Variants in SHANK2 observed in about 807,000 individuals in gnomAD.
SHANK2 encodes SH3 and multiple ankyrin repeat domains protein 2.
Under a neutral mutation model 133.7 loss-of-function variants are expected in SHANK2, and 43 were observed. The observed-to-expected ratio is 0.32, with a 90% CI of 0.25 to 0.41. SHANK2 has a LOEUF of 0.41. SHANK2 is among the 10% of genes least tolerant of loss of function. The pLI is 1.00. For synonymous variants in SHANK2, 1,017 were observed against 952.8 expected (o/e 1.07, Z -1.24); for missense variants, 1,994 against 2,235.8 (o/e 0.89, Z 2.18).
chr11:70,636,334 T>C (rs984852563), intron 17 of SHANK2, among the ~76,000 whole-genome samples: 1 of 152,292 alleles, frequency 6.6e-6, no homozygotes, highest in East Asian at 1.9e-4. Context: ...TGTTAGCATG[T>C]GTGAATGCGT....
intron 3 of SHANK2, among the ~76,000 whole-genome samples, chr11:71,139,965 G>A (rs782583485): frequency 9.2e-5 from 14 of 152,180 alleles, no homozygotes; most frequent in Non-Finnish European, 1.6e-4. Flanking sequence ...AAAAGGGGCC[G>A]CCCAGGTGCT....
intron 14 of SHANK2, among the ~76,000 whole-genome samples, chr11:70,750,364 G>A (rs1264555797): frequency 2.0e-5 from 3 of 152,308 alleles, no homozygotes; most frequent in Admixed American, 6.5e-5. Flanking sequence ...CTGTGGTGGC[G>A]GAGGTTGGGC....
At chr11:70,926,004 T>C (rs985695485) in intron 10 of SHANK2, among the ~76,000 whole-genome samples, 10 of 152,204 alleles carry the variant, frequency 6.6e-5, no homozygotes, top group African/African-American at 2.4e-4. Flanking sequence ...CTGGGTGTGG[T>C]GGCTCCCATC....
intron 11 of SHANK2, among the ~76,000 whole-genome samples, chr11:70,866,811 T>C (rs1949366143): frequency 6.6e-6 from 1 of 151,658 alleles, no homozygotes; most frequent in Non-Finnish European, 1.5e-5. Context: ...TAAGGAAACA[T>C]TTCTTAAGGG....
At chr11:70,708,865 A>T (rs922131942) in intron 14 of SHANK2, among the ~76,000 whole-genome samples, 2 of 152,208 alleles carry the variant, frequency 1.3e-5, no homozygotes, top group Non-Finnish European at 2.9e-5. Context: ...GGGGATTGAA[A>T]GGCCTTCTGA....
At chr11:70,840,930 A>T (rs555719342) in intron 11 of SHANK2, among the ~76,000 whole-genome samples, 1 of 152,140 alleles carries the variant, frequency 6.6e-6, no homozygotes, top group South Asian at 2.1e-4. Flanking sequence ...CCTGAGAAAC[A>T]CTCTGGCTGG....
intron 11 of SHANK2, among the ~76,000 whole-genome samples, chr11:70,891,633 T>TC (rs1949847351): frequency 6.6e-6 from 1 of 152,072 alleles, no homozygotes; most frequent in Admixed American, 6.5e-5. Context: ...GCCTCCAAGG[T>TC]CTCATAGTTG....
At chr11:71,142,292 G>C (rs1952571182) in intron 3 of SHANK2, among the ~76,000 whole-genome samples, 2 of 152,310 alleles carry the variant, frequency 1.3e-5, no homozygotes, top group South Asian at 2.1e-4. Flanking sequence ...CCTGAGGTCA[G>C]GAGTTGGACA....
chr11:70,825,984 G>T (rs1948631435), intron 11 of SHANK2, among the ~76,000 whole-genome samples: 1 of 152,072 alleles, frequency 6.6e-6, no homozygotes, highest in African/African-American at 2.4e-5. Context: ...TTTTAAAGTT[G>T]GCCACGCTCC....
intron 2 of SHANK2, among the ~76,000 whole-genome samples, chr11:71,161,482 A>C (rs1311812233): frequency 6.6e-6 from 1 of 152,186 alleles, no homozygotes; most frequent in Non-Finnish European, 1.5e-5. Flanking sequence ...TTTACCCTCT[A>C]TTCTCCCTGA....
chr11:71,064,959 C>T (rs1208027309), intron 9 of SHANK2, among the ~76,000 whole-genome samples: 1 of 152,080 alleles, frequency 6.6e-6, no homozygotes, highest in African/African-American at 2.4e-5. Context: ...AGAAGGCGCA[C>T]AAGGACACAG....
chr11:70,732,172 C>T (rs1946303457), intron 14 of SHANK2, among the ~76,000 whole-genome samples: 1 of 152,150 alleles, frequency 6.6e-6, no homozygotes, highest in Non-Finnish European at 1.5e-5. Context: ...ATGTAACTCG[C>T]CCAACATCAC....
intron 17 of SHANK2, among the ~76,000 whole-genome samples, chr11:70,526,975 G>A (rs1251874868): frequency 6.7e-6 from 1 of 149,060 alleles, no homozygotes; most frequent in Non-Finnish European, 1.5e-5. Flanking sequence ...GCCCCGCCCA[G>A]GTCACCTTGG....
At chr11:70,785,912 G>T (rs1253460331) in intron 14 of SHANK2, among the ~76,000 whole-genome samples, 1 of 152,196 alleles carries the variant, frequency 6.6e-6, no homozygotes, top group African/African-American at 2.4e-5. Flanking sequence ...CTAAGCAGGG[G>T]CTCAAAGAGG....
At chr11:70,919,581 C>T (rs1555080427) in intron 10 of SHANK2, among the ~76,000 whole-genome samples, 5 of 152,102 alleles carry the variant, frequency 3.3e-5, no homozygotes, top group African/African-American at 9.7e-5. Flanking sequence ...AGAGTTTCAC[C>T]ATGTTGGCCA....
At chr11:71,098,018 A>G (rs1273396565) in intron 6 of SHANK2, among the ~76,000 whole-genome samples, 3 of 110,248 alleles carry the variant, frequency 2.7e-5, no homozygotes, top group Non-Finnish European at 5.6e-5. Flanking sequence ...ATGTGTGCCT[A>G]TGTGTGTGCA....
intron 14 of SHANK2, among the ~76,000 whole-genome samples, chr11:70,750,312 A>T (rs1946727280): frequency 6.6e-6 from 1 of 152,242 alleles, no homozygotes; most frequent in Non-Finnish European, 1.5e-5. Flanking sequence ...CTTCCCTTTC[A>T]TTCTTTATTG....
At chr11:71,069,364 TCA>T (rs1951111974) in intron 9 of SHANK2, among the ~76,000 whole-genome samples, 1 of 151,360 alleles carries the variant, frequency 6.6e-6, no homozygotes, top group Non-Finnish European at 1.5e-5. Context: ...ACCACCACCA[TCA>T]CTGCCTTCAT....
rs185367794 is a variant in SHANK2, at chr11:70,771,686, G to A, written c.1777+26757C>T. 7.9e-5 allele frequency among the ~76,000 whole-genome samples: 12 copies of A among 152,150 alleles called. 1 individual carries two copies. The East Asian group carries it at 1.2e-3, about 15-fold the overall frequency. On this transcript the variant is annotated intron_variant, in intron 14 of 25. Coordinates refer to ENST00000601538, the MANE Select transcript of SHANK2 (RefSeq NM_012309.5). ...GGCCCAGCGAGCTTCTGCCTCCACC[G>A]GGAGGGGTGACTCTAAGCTCATTCC...
Sources: gnomAD v4.1 joint callset for allele counts (sites outside exome capture counted in the v4.1 genomes callset) on GRCh38, gnomAD v4.1.1 for gene constraint, MANE v1.5 for transcripts, NCBI Gene and HGNC (gene_info 2026-07-23, HGNC 2026-07-21) for gene names.